The following SPATA1 variants were observed in gnomAD, a reference collection of about 807,000 sequenced individuals.
SPATA1 encodes spermatogenesis-associated protein 1.
A neutral mutation model predicts 59.6 loss-of-function variants in SPATA1; 57 were observed. The ratio of observed to expected loss-of-function variants is 0.96; its 90% CI spans 0.77 to 1.19. The LOEUF (loss-of-function observed/expected upper bound fraction) is 1.19. Ranked by LOEUF, SPATA1 falls within the 50% of genes most tolerant of loss-of-function variation. The pLI is 0.00. For missense variants in SPATA1, 448 were observed against 480.7 expected (o/e 0.93, Z 0.64); for synonymous variants, 147 against 163.9 (o/e 0.90, Z 0.79).
chr1:84,545,111 G>C (rs1684042699), intron 9 of SPATA1, among the ~76,000 whole-genome samples: 1 of 150,976 alleles, frequency 6.6e-6, no homozygotes, highest in Non-Finnish European at 1.5e-5. Context: ...TAGCTACTTA[G>C]AAGGCTGAGG....
intron 8 of SPATA1, 133 bp from the exon 9 acceptor site, chr1:84,544,069 T>C (rs1683998818): frequency 1.6e-6 from 1 of 629,958 alleles, no homozygotes; most frequent in Non-Finnish European, 2.8e-6. Flanking sequence ...CAGCTATAAA[T>C]ACAAAATTTG....
exon 2 of SPATA1, chr1:84,516,227 C>A (rs1443897186): frequency 3.0e-6 from 2 of 662,010 alleles, no homozygotes; most frequent in Non-Finnish European, 4.8e-6. Context: ...AATCAGAGAC[C>A]AGAAATGAGT....
At chr1:84,542,172 C>T (rs886109522) in intron 8 of SPATA1, among the ~76,000 whole-genome samples, 2 of 152,032 alleles carry the variant, frequency 1.3e-5, no homozygotes, top group African/African-American at 2.4e-5. Flanking sequence ...CCATGTTGGC[C>T]GGGCTGGTCT....
downstream of SPATA1, among the ~76,000 whole-genome samples, chr1:84,556,986 A>G (rs1394293946): frequency 5.3e-5 from 8 of 152,210 alleles, no homozygotes; most frequent in Non-Finnish European, 1.0e-4. Flanking sequence ...ATACCTTTGA[A>G]TTTTGCCATC....
intron 4 of SPATA1, 26 bp from the exon 5 acceptor site, chr1:84,525,666 TTTAA>T: frequency 1.3e-6 from 2 of 1,547,450 alleles, no homozygotes; most frequent in South Asian, 1.2e-5. Flanking sequence ...TAGCAAAAGC[TTTAA>T]TTTTTTTCTC....
chr1:84,520,329 C>T, intron 2 of SPATA1: 1 of 330,014 alleles, frequency 3.0e-6, no homozygotes, highest in South Asian at 5.2e-5. Flanking sequence ...AAAAAAACAC[C>T]ATATGCCAAA....
At chr1:84,567,335 AAT>A (rs1001470871), downstream of SPATA1, among the ~76,000 whole-genome samples, 1 of 152,206 alleles carries the variant, frequency 6.6e-6, no homozygotes, top group African/African-American at 2.4e-5. Flanking sequence ...ATATTATAGT[AAT>A]AGAGAAAAAT....
chr1:84,520,623 ATGGAACTATAAGC>A lies in SPATA1; in HGVS notation c.77_89del (p.Trp26Ter). ...ATGTTTTTTATGTCCCTGAAGGATC[ATGGAACTATAAGC>A]TAAATACCATTTCAACAGAAGTTGT... On this transcript the variant is annotated frameshift_variant, in exon 3 of 13. Coordinates refer to ENST00000490879, the Ensembl canonical transcript of SPATA1. LOFTEE classifies it high-confidence loss of function. The A allele has an allele frequency of 6.3e-7, 1 of 1,578,322 alleles. No homozygotes were observed. The highest frequency in any genetic ancestry group is 2.3e-5 in the East Asian group (1 of 43,760).
chr1:84,566,801 T>G (rs1040436069), downstream of SPATA1, among the ~76,000 whole-genome samples: 1 of 152,002 alleles, frequency 6.6e-6, no homozygotes, highest in Non-Finnish European at 1.5e-5. Flanking sequence ...CCCAGCTAAT[T>G]TTTTTGTATT....
At chr1:84,509,732 C>G (rs982645252) in intron 1 of SPATA1, among the ~76,000 whole-genome samples, 1 of 152,212 alleles carries the variant, frequency 6.6e-6, no homozygotes, top group Non-Finnish European at 1.5e-5. Flanking sequence ...CGCCATTGCA[C>G]TCCAGCCGGG....
downstream of SPATA1, among the ~76,000 whole-genome samples, chr1:84,556,465 C>G (rs1684433014): frequency 1.3e-5 from 2 of 152,194 alleles, no homozygotes; most frequent in Admixed American, 6.5e-5. Context: ...GTAATACCAG[C>G]ACTTTGGGAG....
chr1:84,550,117 T>G (rs56935748), intron 11 of SPATA1: 12,193 of 166,266 alleles, frequency 0.073, 837 homozygotes, highest in African/African-American at 0.19. Flanking sequence ...ATTCTAATCT[T>G]ATTCAGCTGA....
chr1:84,541,742 T>C lies in SPATA1; in HGVS notation c.718-2460T>C, dbSNP rs1034829667. ...TGATTTTACTGCTCAGTTTTGAGGT[T>C]TTCTTCATAAGTAACTGCATGAGTG... On this transcript the variant is annotated intron_variant, in intron 8 of 12. Coordinates refer to ENST00000490879, the Ensembl canonical transcript of SPATA1. 2.0e-5 allele frequency among the ~76,000 whole-genome samples: 3 copies of C among 152,204 alleles called. No individual in the cohort carries two copies. The South Asian group carries it at 6.2e-4, about 32-fold the overall frequency.
intron 3 of SPATA1, among the ~76,000 whole-genome samples, chr1:84,521,610 A>G (rs1232229245): frequency 2.0e-5 from 3 of 151,608 alleles, no homozygotes; most frequent in African/African-American, 7.3e-5. Flanking sequence ...TAAATCATTC[A>G]TACAGTCCCT....
At chr1:84,541,587 A>G (rs1254829009) in intron 8 of SPATA1, among the ~76,000 whole-genome samples, 1 of 151,676 alleles carries the variant, frequency 6.6e-6, no homozygotes, top group Non-Finnish European at 1.5e-5. Flanking sequence ...CCTATTTTCC[A>G]TTTTTATTAC....
At chr1:84,535,315 A>T (rs1301637449) in intron 8 of SPATA1, among the ~76,000 whole-genome samples, 1 of 151,854 alleles carries the variant, frequency 6.6e-6, no homozygotes, top group Non-Finnish European at 1.5e-5. Flanking sequence ...CATTTTGGTG[A>T]TTCTAGATTC....
chr1:84,527,945 G>A (rs919840081), intron 6 of SPATA1, among the ~76,000 whole-genome samples: 24 of 152,068 alleles, frequency 1.6e-4, no homozygotes, highest in Non-Finnish European at 2.4e-4. Flanking sequence ...TGGCCAGGGT[G>A]GTCTCGAACT....
intron 1 of SPATA1, among the ~76,000 whole-genome samples, chr1:84,513,018 T>C (rs968041614): frequency 5.5e-5 from 8 of 146,608 alleles, no homozygotes; most frequent in Non-Finnish European, 1.2e-4. Flanking sequence ...TAGTAATAGG[T>C]AAAAAATGTG....
At chr1:84,556,578 G>A (rs11802781), downstream of SPATA1, among the ~76,000 whole-genome samples, 13,628 of 151,960 alleles carry the variant, frequency 0.09, 1,202 homozygotes, top group African/African-American at 0.23. Context: ...TGGGCTTGGT[G>A]GTGCATGCCT....
Sources: gnomAD v4.1 joint callset for allele counts (sites outside exome capture counted in the v4.1 genomes callset) on GRCh38, gnomAD v4.1.1 for gene constraint, MANE v1.5 for transcripts, NCBI Gene and HGNC (gene_info 2026-07-23, HGNC 2026-07-21) for gene names.